Variants in DPY19L2 observed in about 807,000 individuals in gnomAD.
The protein encoded by DPY19L2 is probable C-mannosyltransferase DPY19L2.
DPY19L2 carries 34 observed loss-of-function variants against 97.9 expected under a neutral mutation model. The observed-to-expected ratio is 0.35, with a 90% CI of 0.26 to 0.46. The LOEUF is 0.46. Among genes scored for constraint, DPY19L2 ranks in the 20% least tolerant of loss-of-function variants. DPY19L2 has a pLI of 1.00. For synonymous variants in DPY19L2, 230 were observed against 307.9 expected, an observed-to-expected ratio of 0.75 and a Z score of 2.65; for missense variants, 623 against 911.4, an observed-to-expected ratio of 0.68 and a Z score of 4.07.
At chr12:63,638,935 G>A (rs11837642) in intron 6 of DPY19L2, among the ~76,000 whole-genome samples, 12,282 of 151,974 alleles carry the variant, frequency 0.081, 778 homozygotes, top group African/African-American at 0.17. Context: ...GAGACATCAC[G>A]CTACCTGACT....
intron 13 of DPY19L2, among the ~76,000 whole-genome samples, chr12:63,599,081 G>A (rs1044793593): frequency 4.0e-5 from 6 of 151,532 alleles, no homozygotes; most frequent in African/African-American, 1.5e-4. Flanking sequence ...GCTGAGGCAC[G>A]AGAATCGCTT....
At chr12:63,561,624 T>C (rs1876534995) in intron 21 of DPY19L2, among the ~76,000 whole-genome samples, 1 of 151,570 alleles carries the variant, frequency 6.6e-6, no homozygotes. Context: ...TTCCTTTTTG[T>C]TGCTAAATAA....
In DPY19L2 at chr12:63,623,403, T is replaced by C. The variant is rs192247637; in HGVS notation, c.953+637A>G. 1.7e-3 allele frequency among the ~76,000 whole-genome samples: 265 copies of C among 152,282 alleles called. 2 individuals are homozygous for C. Among genetic ancestry groups the C allele is most frequent in the African/African-American group, 6.2e-3 (259 of 41,556 alleles). On this transcript the variant is annotated intron_variant, in intron 8 of 21. Transcript: ENST00000324472. ...ACAGAACACTTTTTTCATGGCACAG[T>C]TATCAAAACCACAGGTTAGAAAACA...
chr12:63,562,720 A>G (rs1876825355), intron 21 of DPY19L2, among the ~76,000 whole-genome samples: 1 of 150,092 alleles, frequency 6.7e-6, no homozygotes, highest in African/African-American at 2.5e-5. Flanking sequence ...TCTCACTGTA[A>G]TTTTCATTTG....
Position 63,564,171 on chromosome 12 carries a change from C to A in DPY19L2, c.2127-3509G>T, listed in dbSNP as rs547602688. On this transcript the variant is annotated intron_variant, in intron 21 of 21. Coordinates refer to ENST00000324472, the MANE Select transcript of DPY19L2 (RefSeq NM_173812.5). Reference sequence around the variant, plus strand: ...GTAGGAATTTATCAATTTTATTAATCTTCTCAAGAATCAGTGTTTGGTTTT... The same window carrying A: ...GTAGGAATTTATCAATTTTATTAATATTCTCAAGAATCAGTGTTTGGTTTT... Among the ~76,000 whole-genome samples the A allele has an allele frequency of 5.8e-3, 885 of 152,108 alleles. 9 individuals are homozygous for A. The highest frequency in any genetic ancestry group is 0.02 in the African/African-American group (835 of 41,492).
intron 6 of DPY19L2, among the ~76,000 whole-genome samples, chr12:63,629,739 A>G (rs1356037036): frequency 7.2e-5 from 11 of 152,150 alleles, no homozygotes. Context: ...CTCCTCGAGA[A>G]GAGCAACTCC....
At chr12:63,632,733 C>A (rs951854622) in intron 6 of DPY19L2, among the ~76,000 whole-genome samples, 1 of 152,022 alleles carries the variant, frequency 6.6e-6, no homozygotes, top group African/African-American at 2.4e-5. Context: ...TCATATGGAA[C>A]CAAAAAAGAG....
intron 6 of DPY19L2, among the ~76,000 whole-genome samples, chr12:63,644,049 T>C (rs1318979656): frequency 1.3e-5 from 2 of 152,196 alleles, no homozygotes; most frequent in African/African-American, 2.4e-5. Flanking sequence ...TACTGCTTTC[T>C]TAATTTCATC....
At chr12:63,645,529 C>G (rs1269870670) in intron 5 of DPY19L2, among the ~76,000 whole-genome samples, 1 of 152,088 alleles carries the variant, frequency 6.6e-6, no homozygotes, top group Non-Finnish European at 1.5e-5. Flanking sequence ...GATGTCCCCA[C>G]TCTGAGGTCT....
At chr12:63,575,062 T>C (rs1879569439) in intron 19 of DPY19L2, among the ~76,000 whole-genome samples, 1 of 151,924 alleles carries the variant, frequency 6.6e-6, no homozygotes, top group Non-Finnish European at 1.5e-5. Context: ...AAAACAAGGA[T>C]AGGCCACAAA....
At chr12:63,569,372 A>T in intron 20 of DPY19L2, 23 bp from the exon 21 acceptor site, 1 of 1,505,668 alleles carries the variant, frequency 6.6e-7, no homozygotes, top group Non-Finnish European at 8.9e-7. Context: ...ACAATAATTT[A>T]AAAGATTTTA....
intron 7 of DPY19L2, 59 bp from the exon 8 acceptor site, chr12:63,624,190 A>C (rs542329575): frequency 6.2e-6 from 8 of 1,292,796 alleles, no homozygotes; most frequent in Non-Finnish European, 7.8e-6. Flanking sequence ...ATATTAAAAA[A>C]CCAGGGGTGA....
At chr12:63,609,286 G>C (rs769585647) in intron 11 of DPY19L2, among the ~76,000 whole-genome samples, 15 of 151,986 alleles carry the variant, frequency 9.9e-5, no homozygotes, top group Non-Finnish European at 7.4e-5. Context: ...GTAAGAAGTT[G>C]GGATTGACAC....
chr12:63,596,745 A>C (rs1234010539), intron 14 of DPY19L2, among the ~76,000 whole-genome samples: 2 of 152,192 alleles, frequency 1.3e-5, no homozygotes, highest in African/African-American at 4.8e-5. Flanking sequence ...TAATCAATCC[A>C]GTAGCAACTT....
chr12:63,630,523 TA>T (rs1423606859), intron 6 of DPY19L2, among the ~76,000 whole-genome samples: 1 of 152,146 alleles, frequency 6.6e-6, no homozygotes, highest in Admixed American at 6.5e-5. Context: ...CTAACTGTCC[TA>T]AATATATATG....
At chr12:63,579,546 C>G (rs1880499955) in intron 19 of DPY19L2, among the ~76,000 whole-genome samples, 2 of 152,058 alleles carry the variant, frequency 1.3e-5, no homozygotes, top group Non-Finnish European at 2.9e-5. Context: ...AATGTAGGCT[C>G]TCTGTCAGGA....
At chr12:63,625,067 AT>A (rs1889302996) in intron 7 of DPY19L2, among the ~76,000 whole-genome samples, 1 of 152,138 alleles carries the variant, frequency 6.6e-6, no homozygotes, top group African/African-American at 2.4e-5. Flanking sequence ...TATCTAATTG[AT>A]TTTTAAAAAT....
chr12:63,628,611 C>G (rs11833910), intron 6 of DPY19L2, among the ~76,000 whole-genome samples: 14,451 of 151,790 alleles, frequency 0.095, 1,201 homozygotes, highest in African/African-American at 0.22. Context: ...AACGAGGCCT[C>G]CCTGCCTCTG....
chr12:63,578,027 G>C (rs1400391759), intron 19 of DPY19L2, among the ~76,000 whole-genome samples: 2 of 152,098 alleles, frequency 1.3e-5, no homozygotes, highest in East Asian at 3.9e-4. Flanking sequence ...CAATAGTCTA[G>C]ATTTGGAAGC....
Sources: gnomAD v4.1 joint callset for allele counts (sites outside exome capture counted in the v4.1 genomes callset) on GRCh38, gnomAD v4.1.1 for gene constraint, MANE v1.5 for transcripts, NCBI Gene and HGNC (gene_info 2026-07-23, HGNC 2026-07-21) for gene names.